Variants in YES1 observed in about 807,000 individuals in gnomAD.
The protein encoded by YES1 is YES proto-oncogene 1, Src family tyrosine kinase.
Under a neutral mutation model 70.4 loss-of-function variants are expected in YES1, and 39 were observed. The observed-to-expected ratio is 0.55, with a 90% confidence interval of 0.43 to 0.72. The LOEUF (loss-of-function observed/expected upper bound fraction) is 0.72. Among genes scored for constraint, YES1 ranks in the 30% least tolerant of loss-of-function variants. YES1 has a pLI of 0.00. For synonymous variants in YES1, 198 were observed against 218.6 expected, an observed-to-expected ratio of 0.91 and a Z score of 0.83; for missense variants, 495 against 644.8, an observed-to-expected ratio of 0.77 and a Z score of 2.52.
At position 724,613 on chromosome 18, in the gene YES1, T is replaced by G. The variant is rs2079996417; in HGVS notation, c.1443A>C (p.Val481=). 6.2e-7 allele frequency: 1 copy of G among 1,613,972 alleles called. No individual in the cohort carries two copies. The highest frequency in any genetic ancestry group is 1.7e-5 in the Admixed American group (1 of 60,002). ...TGTATCCTCGCTCCACTTGTTCTAA[T>G]ACTTCACGGTTCACCATACCTAATA... ...VPYPGMVNRE[V]LEQVERGYRM... The change falls in exon 12 of 12, where the codon GTA becomes GTC. Residue 481 remains valine, a synonymous_variant. Transcript: ENST00000314574.
At chr18:762,998 G>C (rs1435983775) in intron 1 of YES1, among the ~76,000 whole-genome samples, 1 of 152,202 alleles carries the variant, frequency 6.6e-6, no homozygotes, top group Non-Finnish European at 1.5e-5. Context: ...TTTTGCAAAG[G>C]AAGTGGTATC....
upstream of YES1, chr18:812,659 C>G (rs918884815): frequency 2.0e-5 from 3 of 152,684 alleles, no homozygotes; most frequent in African/African-American, 4.8e-5. Flanking sequence ...CCTTCCCACC[C>G]GCGAACCCAC....
At chr18:743,999 TAGTA>T (rs1213256098) in intron 6 of YES1, among the ~76,000 whole-genome samples, 1 of 149,662 alleles carries the variant, frequency 6.7e-6, no homozygotes, top group Non-Finnish European at 1.5e-5. Flanking sequence ...ATTTACTACT[TAGTA>T]TGTATATACT....
chr18:724,650 A>T lies in YES1; in HGVS notation c.1424-18T>A, dbSNP rs200917511. The T allele has an allele frequency of 1.6e-4, 258 of 1,604,190 alleles. 1 individual carries two copies. The highest frequency in any genetic ancestry group is 1.3e-3 in the Middle Eastern group (8 of 6,038). On this transcript the variant is annotated intron_variant, in intron 11 of 11. Coordinates refer to ENST00000314574, the MANE Select transcript of YES1 (RefSeq NM_005433.4). The stretch of plus-strand genomic sequence containing the variant: ...CACCATACCTAATACACAAGATTAA[A>T]ACATTAAAGAACAATGGTCCTAACT...
chr18:789,428 T>A (rs755855177), intron 1 of YES1, among the ~76,000 whole-genome samples: 2 of 151,858 alleles, frequency 1.3e-5, no homozygotes, highest in Admixed American at 6.6e-5. Context: ...ACAGAAAATT[T>A]AAAAATTAGC....
rs542558222 is a variant in YES1 at position 754,142 on chromosome 18, A to T, written c.272-2338T>A. On this transcript the variant is annotated intron_variant, in intron 2 of 11. Transcript: ENST00000314574. The stretch of plus-strand genomic sequence containing the variant: ...TTTTTCTCAAAAGAAAATTCAATCA[A>T]ATCCTTTACTTAATCTCTTCAGCAG... Among the ~76,000 whole-genome samples the T allele has an allele frequency of 4.3e-3, 656 of 152,192 alleles. 4 individuals carry two copies. Among genetic ancestry groups the T allele is most frequent in the South Asian group, 0.016 (76 of 4,814 alleles).
chr18:725,600 G>A (rs1214427596), intron 11 of YES1, among the ~76,000 whole-genome samples: 2 of 152,132 alleles, frequency 1.3e-5, no homozygotes, highest in African/African-American at 4.8e-5. Flanking sequence ...CTTCATAAGT[G>A]AAATCTGGCC....
intron 1 of YES1, among the ~76,000 whole-genome samples, chr18:811,222 C>T (rs1907361592): frequency 6.6e-6 from 1 of 152,164 alleles, no homozygotes; most frequent in Non-Finnish European, 1.5e-5. Context: ...TGTGCTTCCA[C>T]CAAAGACTTT....
Position 754,999 on chromosome 18 carries a change from A to G in YES1, c.271+1558T>C, listed in dbSNP as rs115365582. ...GAATACCCCTAATAGAATATTTCAT[A>G]TAAGTAAATTGCTTTAGGTAACTAA... is the stretch of plus-strand genomic sequence containing the variant. On this transcript the variant is annotated intron_variant, in intron 2 of 11. Transcript: ENST00000314574. Among the ~76,000 whole-genome samples, 1,131 of 152,328 alleles carry G rather than the reference A, an allele frequency of 7.4e-3. 11 individuals are homozygous for G. The highest frequency in any genetic ancestry group is 0.026 in the African/African-American group (1,077 of 41,564).
chr18:756,897 G>C, intron 1 of YES1, 62 bp from the exon 2 acceptor site: 1 of 1,444,510 alleles, frequency 6.9e-7, no homozygotes, highest in Non-Finnish European at 9.2e-7. Flanking sequence ...AAAAAGACAG[G>C]GTTCAAAAAA....
At chr18:734,134 C>G (rs915581320) in intron 10 of YES1, among the ~76,000 whole-genome samples, 11 of 151,744 alleles carry the variant, frequency 7.2e-5, no homozygotes, top group African/African-American at 2.7e-4. Flanking sequence ...CAAAACTTAG[C>G]CAGGTGTGGT....
intron 1 of YES1, among the ~76,000 whole-genome samples, chr18:773,645 C>G (rs564616492): frequency 4.6e-5 from 7 of 152,142 alleles, no homozygotes; most frequent in Non-Finnish European, 1.0e-4. Context: ...CTTTCATAAT[C>G]CTGTCCATTG....
rs1905482435 is a variant in YES1 at position 778,227 on chromosome 18, T to C, written c.-8-21392A>G. ...TAGGAACCAGGTCTTCTGACTTCTA[T>C]ACTGCATTCTTTCTACTACCCATAC... On this transcript the variant is annotated intron_variant, in intron 1 of 11. Coordinates refer to ENST00000314574, the MANE Select transcript of YES1 (RefSeq NM_005433.4). Among the ~76,000 whole-genome samples the C allele has an allele frequency of 2.0e-5, 3 of 152,240 alleles. No homozygotes were observed. In the South Asian group the frequency reaches 6.2e-4, roughly 32 times the overall value.
chr18:724,729 T>C (rs2079998176), intron 11 of YES1, 97 bp from the exon 12 acceptor site: 1 of 882,424 alleles, frequency 1.1e-6, no homozygotes, highest in Non-Finnish European at 1.8e-6. Flanking sequence ...CAAAGTATAT[T>C]ATTTAGTGAA....
At chr18:733,010 T>G in intron 10 of YES1, 45 bp from the exon 11 acceptor site, 1 of 1,602,092 alleles carries the variant, frequency 6.2e-7, no homozygotes. Flanking sequence ...TTTAAAAATC[T>G]ATTTGTGTAA....
At chr18:754,164 G>A (rs1032533028) in intron 2 of YES1, among the ~76,000 whole-genome samples, 5 of 152,058 alleles carry the variant, frequency 3.3e-5, no homozygotes, top group Non-Finnish European at 7.4e-5. Context: ...AATCTCTTCA[G>A]CAGTTTCTTC....
At chr18:736,993 A>G (rs1381307538) in intron 9 of YES1, 32 bp from the exon 10 acceptor site, 5 of 1,564,124 alleles carry the variant, frequency 3.2e-6, no homozygotes, top group African/African-American at 2.7e-5. Flanking sequence ...AACACAAGAC[A>G]TACGATACAA....
chr18:748,360 C>CT (rs11372019), intron 3 of YES1, among the ~76,000 whole-genome samples: 122,078 of 144,466 alleles, frequency 0.85, 51,532 homozygotes, highest in Admixed American at 0.89. Context: ...GTATTCTTTT[C>CT]TTTTTTTTTT....
chr18:789,448 T>C (rs777701383), intron 1 of YES1, among the ~76,000 whole-genome samples: 5 of 151,982 alleles, frequency 3.3e-5, no homozygotes, highest in Non-Finnish European at 7.4e-5. Flanking sequence ...CCAAGTGTGG[T>C]AGTACAGGCC....
Sources: gnomAD v4.1 joint callset for allele counts (sites outside exome capture counted in the v4.1 genomes callset) on GRCh38, gnomAD v4.1.1 for gene constraint, MANE v1.5 for transcripts, NCBI Gene and HGNC (gene_info 2026-07-23, HGNC 2026-07-21) for gene names.